ACAN: variants seen among roughly 807,000 people sequenced by gnomAD.
The protein encoded by ACAN is aggrecan core protein.
ACAN carries 47 observed loss-of-function variants against 169.1 expected under a neutral mutation model. The observed-to-expected ratio is 0.28, with a 90% CI of 0.22 to 0.35. ACAN has a LOEUF of 0.35. Among genes scored for constraint, ACAN ranks in the 10% least tolerant of loss-of-function variants. The pLI is 1.00. For synonymous variants in ACAN, 1,115 were observed against 1,112.2 expected, an observed-to-expected ratio of 1.00 and a Z score of -0.05; for missense variants, 2,716 against 2,759.9, an observed-to-expected ratio of 0.98 and a Z score of 0.36.
At chr15:88,841,277 C>T (rs1300721698) in intron 4 of ACAN, among the ~76,000 whole-genome samples, 1 of 152,252 alleles carries the variant, frequency 6.6e-6, no homozygotes, top group Non-Finnish European at 1.5e-5. Flanking sequence ...ACCTACCTCA[C>T]TGGGTTGACA....
At chr15:88,845,922 G>T (rs1896784531) in intron 7 of ACAN, 40 bp downstream of exon 7, 1 of 1,439,192 alleles carries the variant, frequency 6.9e-7, no homozygotes, top group South Asian at 1.6e-5. Flanking sequence ...GGCAGGTGGA[G>T]AGAACTTGGC....
intron 7 of ACAN, 50 bp from the exon 8 acceptor site, chr15:88,847,193 G>C (rs191413025): frequency 6.1e-6 from 9 of 1,485,244 alleles, no homozygotes; most frequent in Non-Finnish European, 8.2e-6. Context: ...AGCCTTGGAA[G>C]CTGCACACCG....
At position 88,847,989 on chromosome 15, in the gene ACAN, C is replaced by G. The variant is rs774656142; in HGVS notation, c.1683C>G (p.Arg561=). The G allele has an allele frequency of 1.9e-6, 3 of 1,614,012 alleles. No individual in the cohort carries two copies. The highest frequency in any genetic ancestry group is 2.5e-6 in the Non-Finnish European group (3 of 1,179,890). Residue 561 remains arginine (R), a synonymous_variant, in exon 9 of 19, where the codon CGC becomes CGG. Transcript: ENST00000560601. ...CAGGGGTCAGGACCTATGGCGTGCG[C>G]CCATCAACAGAGACCTACGATGTCT... is the stretch of plus-strand genomic sequence containing the variant. ...SSPGVRTYGV[R]PSTETYDVYC...
chr15:88,871,968 C>T lies in ACAN; in HGVS notation c.7220-35C>T. On this transcript the variant is annotated intron_variant, in intron 15 of 18. Transcript: ENST00000560601. This position sits in a 1 kb window ranked among gnomAD's most constrained non-coding sequence, Gnocchi z 7.8. ...GTTTCTCAGACACCCTCAGGGTGTC[C>T]AGTGTGATGCCTGACACCCTCACCC... 6.4e-7 allele frequency: 1 copy of T among 1,555,888 alleles called. No individual in the cohort carries two copies. The highest frequency in any genetic ancestry group is 8.9e-7 in the Non-Finnish European group (1 of 1,126,276).
chr15:88,847,411 C>T lies in ACAN; in HGVS notation c.1598C>T (p.Thr533Ile). ...QCDAGWLRDQTVRYPIVSPRT... is the reference protein window; with the variant it reads ...QCDAGWLRDQIVRYPIVSPRT... ...GACGCCGGCTGGCTGCGGGACCAGA[C>T]CGTCAGGTGAAGCCATGCTCCTCGC... Residue 533 changes from threonine to isoleucine, a missense_variant, in exon 8 of 19, where the codon ACC (threonine) becomes ATC (isoleucine). By Grantham distance (89) the Thr-to-Ile change is moderately conservative. Transcript: ENST00000560601. 6.4e-7 allele frequency: 1 copy of T among 1,573,114 alleles called. No individual in the cohort carries two copies. Among genetic ancestry groups the T allele is most frequent in the South Asian group, 1.2e-5 (1 of 86,240 alleles).
chr15:88,821,609 G>A (rs1353673285), intron 1 of ACAN, among the ~76,000 whole-genome samples: 1 of 152,212 alleles, frequency 6.6e-6, no homozygotes, highest in African/African-American at 2.4e-5. Flanking sequence ...AGAAGTGCTT[G>A]GAACTTTTCT....
intron 2 of ACAN, among the ~76,000 whole-genome samples, 178 bp downstream of exon 2, chr15:88,836,454 T>C (rs1486437343): frequency 2.0e-5 from 3 of 152,152 alleles, no homozygotes; most frequent in Non-Finnish European, 4.4e-5. Flanking sequence ...ATAGCACCCA[T>C]GCGCGGGCAC....
intron 1 of ACAN, among the ~76,000 whole-genome samples, chr15:88,825,385 C>A (rs994403906): frequency 1.3e-5 from 2 of 152,220 alleles, no homozygotes; most frequent in African/African-American, 2.4e-5. Flanking sequence ...CTTCTCCTAA[C>A]TGGAAATAAG....
At chr15:88,829,532 G>A (rs989256475) in intron 1 of ACAN, among the ~76,000 whole-genome samples, 29 of 152,190 alleles carry the variant, frequency 1.9e-4, no homozygotes, top group African/African-American at 6.8e-4. Flanking sequence ...TGAAATCCCA[G>A]CCTCGAGTGC....
Position 88,839,192 on chromosome 15 carries a change from G to A in ACAN, c.454+146G>A. The A allele has an allele frequency of 9.9e-7, 1 of 1,015,192 alleles. No homozygotes were observed. The highest frequency in any genetic ancestry group is 1.4e-6 in the Non-Finnish European group (1 of 697,462). The allele number at this position is 1,015,192 out of a possible 1,614,324, so 62.9% of individuals were successfully genotyped here. The stretch of plus-strand genomic sequence containing the variant: ...TTACTTAACTTCAGCTGCTTCCTCT[G>A]TGACATGGAGCTGGTAATATCATTC... On this transcript the variant is annotated intron_variant, in intron 3 of 18. Coordinates refer to ENST00000560601, the MANE Select transcript of ACAN (RefSeq NM_001369268.1). The surrounding 1 kb of genome is among the most constrained non-coding windows in gnomAD (Gnocchi z 4.5).
At position 88,870,018 on chromosome 15, in the gene ACAN, C is replaced by T. The variant is rs1017893330; in HGVS notation, c.7061-1364C>T. Reference sequence around the variant, plus strand: ...TCAGCCCTAAGATGATATCTCTGGCCTCTTCAGAGTGCTGAGCTAGTCTGA... The same window carrying T: ...TCAGCCCTAAGATGATATCTCTGGCTTCTTCAGAGTGCTGAGCTAGTCTGA... On this transcript the variant is annotated intron_variant, in intron 14 of 18. Transcript: ENST00000560601. This position sits in a 1 kb window ranked among gnomAD's most constrained non-coding sequence, Gnocchi z 6.3. Among the ~76,000 whole-genome samples the T allele has an allele frequency of 5.9e-5, 9 of 152,156 alleles. No homozygotes were observed. Among genetic ancestry groups the T allele is most frequent in the Non-Finnish European group, 1.3e-4 (9 of 68,034 alleles).
intron 1 of ACAN, among the ~76,000 whole-genome samples, chr15:88,826,379 T>C (rs535574940): frequency 7.1e-4 from 105 of 148,652 alleles, no homozygotes; most frequent in African/African-American, 1.4e-3. Context: ...TTTTTCTTTT[T>C]TTTTTTTTTT....
chr15:88,834,185 T>C (rs1026604648), intron 1 of ACAN, among the ~76,000 whole-genome samples: 9 of 152,122 alleles, frequency 5.9e-5, no homozygotes, highest in African/African-American at 2.2e-4. Flanking sequence ...TCTCAGAACT[T>C]TGGGATTTTC....
rs35790816 is a variant in ACAN at position 88,841,854 on chromosome 15, C to T, written c.744C>T (p.Ala248=). The T allele has an allele frequency of 1.0e-3, 1,681 of 1,613,194 alleles. 17 individuals carry two copies. The African/African-American group carries it at 0.02, about 19-fold the overall frequency. The change falls in exon 5 of 19, where the codon GCC becomes GCT. Residue 248 remains alanine, a synonymous_variant. Transcript: ENST00000560601. ...AGACCTATGATGTGTACTGCTTCGC[C>T]GAGGAGATGGAGGGTGAGCTGCCCT... ...TNETYDVYCF[A]EEMEGEVFYA...
rs112439787 is a variant in ACAN, at chr15:88,843,819, C to A, written c.1051+171C>A. 5.9e-3 allele frequency among the ~76,000 whole-genome samples: 905 copies of A among 152,224 alleles called. 11 individuals carry two copies. Among genetic ancestry groups the A allele is most frequent in the African/African-American group, 0.019 (776 of 41,534 alleles). On this transcript the variant is annotated intron_variant, in intron 6 of 18. Transcript: ENST00000560601. This position sits in a 1 kb window ranked among gnomAD's most constrained non-coding sequence, Gnocchi z 4.0. ...CCATTTTCACTGGTTCCTAGGAAGC[C>A]CTAAGGTAGAGACTCTTGAGACTGC...
Position 88,855,233 on chromosome 15 carries a change from G to A in ACAN, c.2648G>A (p.Ser883Asn), listed in dbSNP as rs200269121. The A allele has an allele frequency of 1.2e-6, 2 of 1,604,468 alleles. No homozygotes were observed. Among genetic ancestry groups the A allele is most frequent in the Non-Finnish European group, 1.7e-6 (2 of 1,172,624 alleles). ...SGDVSGHLDF[S>N]GQLSGDRASG... Reference sequence around the variant, plus strand: ...GATGTTTCAGGACACCTTGACTTCAGTGGGCAGCTGTCAGGGGACAGGGCA... The same window carrying A: ...GATGTTTCAGGACACCTTGACTTCAATGGGCAGCTGTCAGGGGACAGGGCA... Residue 883 changes from serine to asparagine, a missense_variant, in exon 12 of 19, where the codon AGT (serine) becomes AAT (asparagine). Coordinates refer to ENST00000560601, the MANE Select transcript of ACAN (RefSeq NM_001369268.1).
In ACAN at chr15:88,871,439, T is replaced by C. The variant is rs1897376507; in HGVS notation, c.7118T>C (p.Phe2373Ser). 6.2e-7 allele frequency: 1 copy of C among 1,613,898 alleles called. No homozygotes were observed. The highest frequency in any genetic ancestry group is 2.2e-5 in the East Asian group (1 of 44,876). Residue 2373 changes from phenylalanine (F) to serine (S), a missense_variant, in exon 15 of 19, where the codon TTC becomes TCC. Phe to Ser is a radical substitution (Grantham distance 155, BLOSUM62 -2). This residue lies in a region of ACAN where 1,389 missense variants were observed against 1,363.7 expected (regional missense o/e 1.02). Transcript: ENST00000560601. This position sits in a 1 kb window ranked among gnomAD's most constrained non-coding sequence, Gnocchi z 7.8. ...TACCAGGGCCACTGTTACCGCCACT[T>C]CCCGGACCGCGAGACCTGGGTGGAT... ...NKYQGHCYRH[F>S]PDRETWVDAE...
In ACAN at chr15:88,873,559, A is replaced by G. The variant is rs529483630; in HGVS notation, c.7448-283A>G. 6.6e-6 allele frequency among the ~76,000 whole-genome samples: 1 copy of G among 152,322 alleles called. No homozygotes were observed. The highest frequency in any genetic ancestry group is 1.5e-5 in the Non-Finnish European group (1 of 68,026). On this transcript the variant is annotated intron_variant, in intron 17 of 18. Transcript: ENST00000560601. The surrounding 1 kb of genome is among the most constrained non-coding windows in gnomAD (Gnocchi z 7.5). ...CTAGATGTTTTCATCAAGAAGCCTGAGTCTGCCTGGCTCTCGCCCTCCACA... is the reference window on the plus strand; with the variant it reads ...CTAGATGTTTTCATCAAGAAGCCTGGGTCTGCCTGGCTCTCGCCCTCCACA...
At chr15:88,850,087 G>A in intron 10 of ACAN, 1 of 581,724 alleles carries the variant, frequency 1.7e-6, no homozygotes, top group East Asian at 2.8e-5. Flanking sequence ...TTAATTAAGT[G>A]CACGTGGTGC....
Sources: gnomAD v4.1 joint callset for allele counts (sites outside exome capture counted in the v4.1 genomes callset) on GRCh38, gnomAD v4.1.1 for gene constraint, gnomAD v4.1.1 regional missense constraint, Gnocchi (gnomAD v3.1) non-coding constraint, MANE v1.5 for transcripts, NCBI Gene and HGNC (gene_info 2026-07-23, HGNC 2026-07-21) for gene names.